The following DNER variants were observed in gnomAD, a reference collection of about 807,000 sequenced individuals.
The protein encoded by DNER is delta and Notch-like epidermal growth factor-related receptor.
A neutral mutation model predicts 78.2 loss-of-function variants in DNER; 33 were observed. The observed-to-expected ratio is 0.42, with a 90% CI of 0.32 to 0.56. The LOEUF is 0.56. Ranked by LOEUF, DNER falls within the 20% of genes least tolerant of loss-of-function variation. DNER has a pLI of 0.11. For missense variants in DNER, 918 were observed against 975.3 expected, an observed-to-expected ratio of 0.94 and a Z score of 0.78; for synonymous variants, 417 against 384.8, an observed-to-expected ratio of 1.08 and a Z score of -0.98.
chr2:229,648,343 A>C (rs1698755862), intron 1 of DNER, among the ~76,000 whole-genome samples: 1 of 152,248 alleles, frequency 6.6e-6, no homozygotes, highest in African/African-American at 2.4e-5. Context: ...CAAAGTAATT[A>C]GCTCCATGAT....
rs529109277 is a variant in DNER at position 229,421,640 on chromosome 2, T to C, written c.1487-3410A>G. Among the ~76,000 whole-genome samples the C allele has an allele frequency of 2.9e-4, 7 of 24,422 alleles. No individual in the cohort carries two copies. In the South Asian group the frequency reaches 0.042, roughly 147 times the overall value. The allele number at this position is 24,422 out of a possible 152,430, so 16.0% of individuals were successfully genotyped here. Reference sequence around the variant, plus strand: ...ACATACAACATGAAATATATATATATATATAGAGAGAGAGAGAGAGAGAAA... The same window carrying C: ...ACATACAACATGAAATATATATATACATATAGAGAGAGAGAGAGAGAGAAA... On this transcript the variant is annotated intron_variant, in intron 8 of 12. Transcript: ENST00000341772.
At chr2:229,365,100 A>G (rs763711357) in intron 12 of DNER, among the ~76,000 whole-genome samples, 5 of 152,152 alleles carry the variant, frequency 3.3e-5, no homozygotes, top group Admixed American at 6.5e-5. Context: ...CAGAATCTGA[A>G]GCTACACTTT....
intron 1 of DNER, among the ~76,000 whole-genome samples, chr2:229,641,840 TCTC>T (rs1417812576): frequency 6.6e-6 from 1 of 152,140 alleles, no homozygotes; most frequent in East Asian, 1.9e-4. Context: ...AGCAGGTTGG[TCTC>T]CTCTTTACTT....
At chr2:229,394,715 A>G (rs755104705) in intron 10 of DNER, among the ~76,000 whole-genome samples, 9 of 152,240 alleles carry the variant, frequency 5.9e-5, no homozygotes, top group Non-Finnish European at 1.3e-4. Flanking sequence ...CTGCTCTAAC[A>G]TGGCCACTTC....
chr2:229,358,600 A>G lies in DNER; in HGVS notation c.2154T>C (p.Tyr718=), dbSNP rs1187241512. 1 of 1,614,078 alleles carries G rather than the reference A, an allele frequency of 6.2e-7. No homozygotes were observed. Among genetic ancestry groups the G allele is most frequent in the Non-Finnish European group, 8.5e-7 (1 of 1,179,964 alleles). ...PAMYDVSPIA[Y]EDYSPDDKPL... is the part of the protein sequence containing the mutation. Reference sequence around the variant, plus strand: ...GTTTGTCATCAGGACTGTAATCTTCATAGGCGATGGGGCTCACATCATACA... The same window carrying G: ...GTTTGTCATCAGGACTGTAATCTTCGTAGGCGATGGGGCTCACATCATACA... Residue 718 remains tyrosine (Y), a synonymous_variant, in exon 13 of 13, where the codon TAT becomes TAC. Transcript: ENST00000341772.
chr2:229,448,853 T>G (rs1414601956), intron 7 of DNER, among the ~76,000 whole-genome samples: 1 of 152,188 alleles, frequency 6.6e-6, no homozygotes, highest in Non-Finnish European at 1.5e-5. Context: ...CTATTACACG[T>G]CTCTTGTTTA....
chr2:229,359,688 T>C (rs1692168616), intron 12 of DNER, among the ~76,000 whole-genome samples: 1 of 152,222 alleles, frequency 6.6e-6, no homozygotes, highest in Non-Finnish European at 1.5e-5. Flanking sequence ...CCTCTTTTCC[T>C]ATTTTTTCCT....
chr2:229,497,040 C>A (rs1695516665), intron 6 of DNER, among the ~76,000 whole-genome samples: 1 of 152,108 alleles, frequency 6.6e-6, no homozygotes. Context: ...CAGAACAAAT[C>A]ATATGTTAGG....
At chr2:229,674,983 T>C (rs1419146756) in intron 1 of DNER, among the ~76,000 whole-genome samples, 1 of 152,204 alleles carries the variant, frequency 6.6e-6, no homozygotes, top group African/African-American at 2.4e-5. Flanking sequence ...GCCATCAGCA[T>C]TAGTCATCTT....
chr2:229,467,922 C>T lies in DNER; in HGVS notation c.1261+9218G>A, dbSNP rs1049952374. Among the ~76,000 whole-genome samples, 4 of 152,204 alleles carry T rather than the reference C, an allele frequency of 2.6e-5. 1 individual carries two copies. The highest frequency in any genetic ancestry group is 2.6e-4 in the Admixed American group (4 of 15,288). ...CAGGTTTTGGAAGGGAGTCAAAATACAGAGGCAGCAGCCAGCATGAGATCA... is the reference window on the plus strand; with the variant it reads ...CAGGTTTTGGAAGGGAGTCAAAATATAGAGGCAGCAGCCAGCATGAGATCA... On this transcript the variant is annotated intron_variant, in intron 7 of 12. Coordinates refer to ENST00000341772, the MANE Select transcript of DNER (RefSeq NM_139072.4).
chr2:229,437,764 T>TG (rs1312830688), intron 8 of DNER, among the ~76,000 whole-genome samples: 2 of 151,924 alleles, frequency 1.3e-5, no homozygotes, highest in Admixed American at 6.6e-5. Context: ...AAGTCAAATA[T>TG]GAAAAGGAAA....
chr2:229,522,407 T>C (rs1046502996), intron 5 of DNER, among the ~76,000 whole-genome samples: 7 of 152,224 alleles, frequency 4.6e-5, no homozygotes, highest in African/African-American at 1.7e-4. Flanking sequence ...TTCACTCACA[T>C]CTGTGTATTT....
chr2:229,611,019 C>A (rs890985644), intron 1 of DNER, among the ~76,000 whole-genome samples: 2 of 152,150 alleles, frequency 1.3e-5, no homozygotes, highest in African/African-American at 4.8e-5. Flanking sequence ...TTTGATGATA[C>A]CATATCTTAC....
chr2:229,423,383 G>C (rs1343969039), intron 8 of DNER, among the ~76,000 whole-genome samples: 1 of 152,112 alleles, frequency 6.6e-6, no homozygotes, highest in East Asian at 1.9e-4. Flanking sequence ...GGGAGGCTGA[G>C]GCAGGTGGAT....
chr2:229,404,121 G>C (rs933724552), intron 10 of DNER, among the ~76,000 whole-genome samples: 2 of 152,130 alleles, frequency 1.3e-5, no homozygotes, highest in Non-Finnish European at 2.9e-5. Context: ...GCATGGTGCT[G>C]ACTCTGCAAA....
chr2:229,381,807 C>G (rs558348536), intron 11 of DNER, among the ~76,000 whole-genome samples: 1 of 152,312 alleles, frequency 6.6e-6, no homozygotes, highest in South Asian at 2.1e-4. Context: ...ACTCCCATCT[C>G]CCTGGGACAG....
At chr2:229,652,865 A>G (rs922106600) in intron 1 of DNER, among the ~76,000 whole-genome samples, 2 of 152,332 alleles carry the variant, frequency 1.3e-5, no homozygotes, top group African/African-American at 4.8e-5. Context: ...ATGGAAAAGA[A>G]GCTGTGAAAA....
intron 10 of DNER, among the ~76,000 whole-genome samples, chr2:229,394,464 A>G (rs1245747008): frequency 6.6e-6 from 1 of 152,188 alleles, no homozygotes; most frequent in Non-Finnish European, 1.5e-5. Context: ...GCTTCCTCAG[A>G]CTTTGGGGGC....
At chr2:229,413,867 C>T (rs879706858) in intron 9 of DNER, among the ~76,000 whole-genome samples, 47 of 151,836 alleles carry the variant, frequency 3.1e-4, no homozygotes, top group African/African-American at 1.1e-3. Flanking sequence ...TAAAGCTTAA[C>T]TTTATCCCTA....
Sources: allele counts gnomAD v4.1 joint callset (sites outside exome capture counted in the v4.1 genomes callset), GRCh38; gene constraint gnomAD v4.1.1; transcripts MANE v1.5; gene names NCBI Gene and HGNC (gene_info 2026-07-23, HGNC 2026-07-21).